GPD2: variants seen among roughly 807,000 people sequenced by gnomAD.
GPD2 encodes the protein glycerol-3-phosphate dehydrogenase, mitochondrial.
In GPD2, 54 loss-of-function variants were observed where a neutral mutation model predicts 82.4. That is an observed-to-expected ratio of 0.66 (90% CI 0.53 to 0.82). The LOEUF is 0.82. Among genes scored for constraint, GPD2 ranks in the 40% least tolerant of loss-of-function variants. The pLI, the probability that GPD2 is intolerant of heterozygous loss-of-function variation, is 0.00. For synonymous variants in GPD2, 288 were observed against 306.1 expected (o/e 0.94, Z 0.62); for missense variants, 748 against 896.2 (o/e 0.83, Z 2.11).
intron 6 of GPD2, among the ~76,000 whole-genome samples, chr2:156,528,008 A>G (rs1685677738): frequency 6.6e-6 from 1 of 152,166 alleles, no homozygotes; most frequent in Non-Finnish European, 1.5e-5. Flanking sequence ...CCTCAGAACC[A>G]TTTTAGTGAA....
the GPD2 span, among the ~76,000 whole-genome samples, chr2:156,412,437 T>TA: frequency 0.73 from 105,087 of 143,210 alleles, 38,496 homozygotes; most frequent in South Asian, 0.79. Context: ...ACTTCGTCTG[T>TA]AAAAAAAAAA....
chr2:156,524,392 C>A (rs887652485), intron 6 of GPD2, among the ~76,000 whole-genome samples: 2 of 152,142 alleles, frequency 1.3e-5, no homozygotes, highest in Non-Finnish European at 1.5e-5. Flanking sequence ...CACTTGGGGT[C>A]CTTCTATATA....
the GPD2 span, among the ~76,000 whole-genome samples, chr2:156,401,129 A>G: frequency 6.6e-5 from 10 of 152,302 alleles, no homozygotes; most frequent in South Asian, 2.1e-4. Context: ...CCACAGAAAA[A>G]AACTAGAAGT....
At chr2:156,479,786 C>G (rs1347626832) in intron 2 of GPD2, among the ~76,000 whole-genome samples, 5 of 152,110 alleles carry the variant, frequency 3.3e-5, no homozygotes, top group Admixed American at 3.3e-4. Flanking sequence ...TTAGCGTGGT[C>G]TTAGAGTGGC....
intron 6 of GPD2, among the ~76,000 whole-genome samples, chr2:156,528,832 C>T (rs1360263719): frequency 6.6e-6 from 1 of 152,156 alleles, no homozygotes; most frequent in Non-Finnish European, 1.5e-5. Flanking sequence ...TTAATCCAGT[C>T]TATCATTGTT....
intron 3 of GPD2, among the ~76,000 whole-genome samples, chr2:156,502,222 A>G (rs1684611360): frequency 6.6e-6 from 1 of 152,102 alleles, no homozygotes; most frequent in Non-Finnish European, 1.5e-5. Flanking sequence ...AGAAGCAGGT[A>G]TATGTAAATT....
At chr2:156,473,268 G>A (rs896718353) in intron 1 of GPD2, among the ~76,000 whole-genome samples, 5 of 152,306 alleles carry the variant, frequency 3.3e-5, no homozygotes, top group African/African-American at 9.6e-5. Flanking sequence ...ACATGAGAAT[G>A]TAGTTTTTTG....
At chr2:156,577,721 AG>A (rs1413595149) in intron 13 of GPD2, among the ~76,000 whole-genome samples, 2 of 152,338 alleles carry the variant, frequency 1.3e-5, no homozygotes, top group East Asian at 1.9e-4. Context: ...ACTCAATAAC[AG>A]TCAATTTCAA....
chr2:156,463,291 T>A (rs969674775), intron 1 of GPD2, among the ~76,000 whole-genome samples: 1 of 152,192 alleles, frequency 6.6e-6, no homozygotes, highest in Non-Finnish European at 1.5e-5. Flanking sequence ...ATTTTTTTTT[T>A]AACTGTATAC....
At chr2:156,419,429 GA>G in the GPD2 span, among the ~76,000 whole-genome samples, 83 of 152,300 alleles carry the variant, frequency 5.4e-4, no homozygotes, top group Non-Finnish European at 9.6e-4. Context: ...GTTTTATAAA[GA>G]AATGGCATTT....
chr2:156,476,181 C>G lies in GPD2; in HGVS notation c.76C>G (p.Gln26Glu), dbSNP rs769907302. 1 of 1,601,300 alleles carries G rather than the reference C, an allele frequency of 6.2e-7. No individual in the cohort carries two copies. Among genetic ancestry groups the G allele is most frequent in the East Asian group, 2.2e-5 (1 of 44,760 alleles). Residue 26 changes from glutamine (Q) to glutamate (E), a missense_variant, in exon 2 of 17, where the codon CAG (glutamine) becomes GAG (glutamate). By Grantham distance (29) the Gln-to-Glu change is conservative. Transcript: ENST00000438166. ...TCTTGCAACTGTTTTAGGACTTTCT[C>G]AGTTTGCTCATTACAGAAGGAAACA... ...GALATVLGLS[Q>E]FAHYRRKQMN...
the GPD2 span, among the ~76,000 whole-genome samples, chr2:156,415,923 A>G: frequency 7.1e-6 from 1 of 141,072 alleles, no homozygotes. Context: ...TGGGAGGCTG[A>G]GGCAGGAGAA....
Position 156,512,294 on chromosome 2 carries a change from G to T in GPD2, c.474G>T (p.Leu158Phe). Reference protein sequence around the residue: ...LEIAPHLSAPLPIMLPVYKWW... With the variant: ...LEIAPHLSAPFPIMLPVYKWW... ...TTGCTCCCCATTTATCAGCTCCATTGCCTATAATGCTTCCAGTTTACAAGT... is the reference window on the plus strand; with the variant it reads ...TTGCTCCCCATTTATCAGCTCCATTTCCTATAATGCTTCCAGTTTACAAGT... The change falls in exon 5 of 17, where the codon TTG becomes TTT. Residue 158 changes from leucine (L) to phenylalanine (F), a missense_variant. By Grantham distance (22) the Leu-to-Phe change is conservative. Transcript: ENST00000438166. 2 of 1,581,150 alleles carry T rather than the reference G, an allele frequency of 1.3e-6. No homozygotes were observed. Among genetic ancestry groups the T allele is most frequent in the African/African-American group, 2.7e-5 (2 of 74,324 alleles).
At chr2:156,491,469 T>C (rs1283211990) in intron 2 of GPD2, among the ~76,000 whole-genome samples, 2 of 152,252 alleles carry the variant, frequency 1.3e-5, no homozygotes, top group African/African-American at 2.4e-5. Context: ...CATATTGCAT[T>C]TGAAGTTCAT....
chr2:156,457,222 C>G (rs1237500700), intron 1 of GPD2, among the ~76,000 whole-genome samples: 4 of 152,176 alleles, frequency 2.6e-5, no homozygotes, highest in Non-Finnish European at 1.5e-5. Flanking sequence ...CCAAGAAGTA[C>G]TATTCTAAAT....
intron 6 of GPD2, among the ~76,000 whole-genome samples, chr2:156,530,602 T>C (rs1029811949): frequency 8.6e-5 from 13 of 151,724 alleles, no homozygotes; most frequent in Non-Finnish European, 1.3e-4. Flanking sequence ...TGAAATACGT[T>C]CCATCAATAC....
chr2:156,448,632 A>G (rs1454248567), intron 1 of GPD2, among the ~76,000 whole-genome samples: 1 of 152,190 alleles, frequency 6.6e-6, no homozygotes, highest in Non-Finnish European at 1.5e-5. Context: ...GAATGACTGG[A>G]AGGAGCTTGC....
chr2:156,413,156 A>G, the GPD2 span, among the ~76,000 whole-genome samples: 1 of 152,094 alleles, frequency 6.6e-6, no homozygotes, highest in Non-Finnish European at 1.5e-5. Flanking sequence ...TAATTATAAA[A>G]CTGAGAGAAG....
At chr2:156,442,819 A>C (rs1273137346) in intron 1 of GPD2, among the ~76,000 whole-genome samples, 1 of 152,144 alleles carries the variant, frequency 6.6e-6, no homozygotes, top group Admixed American at 6.5e-5. Context: ...AAAAGTAATA[A>C]AAAATAATAA....
Sources: gnomAD v4.1 joint callset for allele counts (sites outside exome capture counted in the v4.1 genomes callset) on GRCh38, gnomAD v4.1.1 for gene constraint, MANE v1.5 for transcripts, NCBI Gene and HGNC (gene_info 2026-07-23, HGNC 2026-07-21) for gene names.